The following SPINK5 variants were observed in gnomAD, a reference collection of about 807,000 sequenced individuals.
SPINK5 encodes serine protease inhibitor Kazal-type 5.
Under a neutral mutation model 151.8 loss-of-function variants are expected in SPINK5, and 125 were observed. The ratio of observed to expected loss-of-function variants is 0.82; its 90% confidence interval spans 0.71 to 0.96. SPINK5 has a LOEUF of 0.96. Among genes scored for constraint, SPINK5 ranks in the 40% least tolerant of loss-of-function variants. The pLI is 0.00. For synonymous variants in SPINK5, 374 were observed against 395.3 expected (o/e 0.95, Z 0.64); for missense variants, 1,194 against 1,291.9 (o/e 0.92, Z 1.16).
chr5:148,127,090 C>G lies in SPINK5; in HGVS notation c.2964+11C>G, dbSNP rs1007355097. On this transcript the variant is annotated intron_variant, in intron 30 of 32. Transcript: ENST00000256084. ...TCTTTCAGTTCTCTGGTAAGGAGGACTATTTCTGAAAAGCTACTTATCAAT... is the reference window on the plus strand; with the variant it reads ...TCTTTCAGTTCTCTGGTAAGGAGGAGTATTTCTGAAAAGCTACTTATCAAT... The G allele has an allele frequency of 6.2e-7, 1 of 1,603,452 alleles. No homozygotes were observed. Among genetic ancestry groups the G allele is most frequent in the African/African-American group, 1.3e-5 (1 of 74,658 alleles).
In SPINK5 at chr5:148,108,738, C is replaced by A. The variant is rs775012724; in HGVS notation, c.1608-15C>A. On this transcript the variant is annotated splice_polypyrimidine_tract_variant and intron_variant, in intron 17 of 32. Transcript: ENST00000256084. ...GGGAATCATATTCAGCCTATATCTT[C>A]TTTTTCTATTACAGCAAACTTGAAG... The A allele has an allele frequency of 5.0e-6, 8 of 1,609,242 alleles. No homozygotes were observed. In the East Asian group the frequency reaches 1.8e-4, roughly 36 times the overall value.
At chr5:148,132,970 C>A (rs899796972) in intron 31 of SPINK5, among the ~76,000 whole-genome samples, 6 of 152,114 alleles carry the variant, frequency 3.9e-5, no homozygotes, top group Non-Finnish European at 5.9e-5. Flanking sequence ...CCTTTAATTC[C>A]TCTTTCTTAT....
chr5:148,088,701 A>G (rs1055744144), intron 6 of SPINK5, 96 bp downstream of exon 6: 42 of 1,247,810 alleles, frequency 3.4e-5, no homozygotes, highest in Non-Finnish European at 4.2e-5. Flanking sequence ...GGAGCCTTGG[A>G]AGGAATTAAT....
Position 148,108,948 on chromosome 5 carries a change from G to A in SPINK5, c.1692+111G>A, listed in dbSNP as rs1439975634. 1.9e-6 allele frequency: 3 copies of A among 1,555,922 alleles called. No homozygotes were observed. In the African/African-American group the frequency reaches 4.1e-5, roughly 21 times the overall value. On this transcript the variant is annotated intron_variant, in intron 18 of 32. Coordinates refer to ENST00000256084, the MANE Select transcript of SPINK5 (RefSeq NM_006846.4). ...AGTATTCTTAGTTTCTTTGCAAACT[G>A]GGAAAATGTGTTTGGATCCCCATAT...
chr5:148,118,964 T>A lies in SPINK5; in HGVS notation c.2241-22T>A, dbSNP rs551676957. The A allele has an allele frequency of 4.7e-5, 75 of 1,612,274 alleles. No individual in the cohort carries two copies. The Admixed American group carries it at 5.8e-4, about 13-fold the overall frequency. ...GGTCAATATTTGTTAACAAGATGAATATTCACTTTTTTCTCCTCCAGGGAA... is the reference window on the plus strand; with the variant it reads ...GGTCAATATTTGTTAACAAGATGAAAATTCACTTTTTTCTCCTCCAGGGAA... On this transcript the variant is annotated intron_variant, in intron 23 of 32. Coordinates refer to ENST00000256084, the MANE Select transcript of SPINK5 (RefSeq NM_006846.4).
At position 148,123,416 on chromosome 5, in the gene SPINK5, A is replaced by ATATATAGATAGATATTATCTATCTATC. The variant is rs1412192208; in HGVS notation, c.2539-411_2539-410insGATAGATATTATCTATCTATCTATATA. 1.4e-4 allele frequency among the ~76,000 whole-genome samples: 4 copies of ATATATAGATAGATATTATCTATCTATC among 29,350 alleles called. No individual in the cohort carries two copies. The East Asian group carries it at 2.1e-3, about 16-fold the overall frequency. 19.3% of individuals were successfully genotyped at this position (29,350 alleles called of 152,430 possible). On this transcript the variant is annotated intron_variant, in intron 26 of 32. Coordinates refer to ENST00000256084, the MANE Select transcript of SPINK5 (RefSeq NM_006846.4). ...TATATATAGATAGATATAATATATT[A>ATATATAGATAGATATTATCTATCTATC]TATATATAGATATATATTATCTATC...
intron 31 of SPINK5, among the ~76,000 whole-genome samples, chr5:148,132,356 T>C (rs1248344362): frequency 1.3e-5 from 2 of 152,114 alleles, no homozygotes; most frequent in African/African-American, 4.8e-5. Flanking sequence ...AGGATAGGAC[T>C]CCCTGATATC....
intron 32 of SPINK5, among the ~76,000 whole-genome samples, chr5:148,134,845 G>A (rs1581116743): frequency 6.6e-6 from 1 of 151,706 alleles, no homozygotes; most frequent in African/African-American, 2.4e-5. Flanking sequence ...CCATTCCACT[G>A]CCACAAAAAG....
At chr5:148,070,192 A>C in intron 2 of SPINK5, 131 bp from the exon 3 acceptor site, 1 of 1,040,596 alleles carries the variant, frequency 9.6e-7, no homozygotes, top group Non-Finnish European at 1.4e-6. Flanking sequence ...TTACATACTT[A>C]ATCTTCAAAA....
Position 148,137,103 on chromosome 5 carries a change from GA to G in SPINK5, c.*116del. 1 of 1,414,922 alleles carries G rather than the reference GA, an allele frequency of 7.1e-7. No homozygotes were observed. The highest frequency in any genetic ancestry group is 1.7e-5 in the Admixed American group (1 of 59,396). The allele number at this position is 1,414,922 out of a possible 1,614,324, so 87.6% of individuals were successfully genotyped here. A position where few individuals can be genotyped will look rare whatever the true frequency, so the allele number is the denominator to read the frequency against. On this transcript the variant is annotated 3_prime_UTR_variant, in exon 33 of 33. Coordinates refer to ENST00000256084, the MANE Select transcript of SPINK5 (RefSeq NM_006846.4). ...TTCGGAGCTTGTCTTATTTGCTATAGAAAACAATACAGAGCTTTTGGGAATG... is the reference window on the plus strand; with the variant it reads ...TTCGGAGCTTGTCTTATTTGCTATAGAAACAATACAGAGCTTTTGGGAATG...
rs987612777 is a variant in SPINK5 at position 148,118,434 on chromosome 5, C to G, written c.2113-3C>G. On this transcript the variant is annotated splice_polypyrimidine_tract_variant and splice_region_variant and intron_variant, in intron 22 of 32. Coordinates refer to ENST00000256084, the MANE Select transcript of SPINK5 (RefSeq NM_006846.4). ...GGGGCTCTTCGTTCTTCTCTGTTTT[C>G]AGGACGAATGTGCTGAGTATCGGGA... The G allele has an allele frequency of 6.2e-7, 1 of 1,614,032 alleles. No homozygotes were observed. Among genetic ancestry groups the G allele is most frequent in the African/African-American group, 1.3e-5 (1 of 75,032 alleles).
chr5:148,123,598 G>A lies in SPINK5; in HGVS notation c.2539-235G>A, dbSNP rs554103054. ...TATATAGTTTTTAAAGGAATGGGCTGCTTTAGTGAAATTCCATTAGGGCAA... is the reference window on the plus strand; with the variant it reads ...TATATAGTTTTTAAAGGAATGGGCTACTTTAGTGAAATTCCATTAGGGCAA... On this transcript the variant is annotated intron_variant, in intron 26 of 32. Coordinates refer to ENST00000256084, the MANE Select transcript of SPINK5 (RefSeq NM_006846.4). 5.4e-5 allele frequency among the ~76,000 whole-genome samples: 8 copies of A among 148,354 alleles called. No homozygotes were observed. The East Asian group carries it at 1.6e-3, about 30-fold the overall frequency.
At chr5:148,121,228 T>C (rs1020823720) in intron 26 of SPINK5, among the ~76,000 whole-genome samples, 1 of 151,520 alleles carries the variant, frequency 6.6e-6, no homozygotes, top group Non-Finnish European at 1.5e-5. Flanking sequence ...TGGCATTTCA[T>C]TGCCACCTAG....
At chr5:148,122,774 T>G (rs1754303581) in intron 26 of SPINK5, among the ~76,000 whole-genome samples, 1 of 151,970 alleles carries the variant, frequency 6.6e-6, no homozygotes, top group Non-Finnish European at 1.5e-5. Flanking sequence ...TTCTCATCTG[T>G]AGAATGGGGA....
At chr5:148,076,494 T>C (rs930198220) in intron 4 of SPINK5, among the ~76,000 whole-genome samples, 5 of 151,788 alleles carry the variant, frequency 3.3e-5, no homozygotes, top group African/African-American at 1.2e-4. Context: ...ATGTTCAGTT[T>C]TTATAATCCA....
intron 18 of SPINK5, among the ~76,000 whole-genome samples, chr5:148,110,729 G>A (rs529895019): frequency 6.6e-6 from 1 of 152,044 alleles, no homozygotes; most frequent in African/African-American, 2.4e-5. Flanking sequence ...ACCGGGGCCT[G>A]TTTGGGGACT....
intron 20 of SPINK5, 97 bp downstream of exon 20, chr5:148,113,031 G>A (rs1373897917): frequency 2.3e-5 from 35 of 1,550,766 alleles, no homozygotes; most frequent in Middle Eastern, 3.4e-4. Context: ...CAGTTGTGAG[G>A]GAACTAGGGG....
chr5:148,114,037 A>T lies in SPINK5; in HGVS notation c.1888-325A>T, dbSNP rs3815738. ...TTGCCATTTGTAATTAACTCTTTGA[A>T]CTTCAGTGATTGCTTATTCTGTCTC... On this transcript the variant is annotated intron_variant, in intron 20 of 32. Transcript: ENST00000256084. 0.11 allele frequency among the ~76,000 whole-genome samples: 16,281 copies of T among 152,204 alleles called. 1,123 individuals are homozygous for T. The highest frequency in any genetic ancestry group is 0.32 in the East Asian group (1,657 of 5,156).
rs1321355787 is a variant in SPINK5 at position 148,066,486 on chromosome 5, G to T, written c.81+1114G>T. On this transcript the variant is annotated intron_variant, in intron 2 of 32. Transcript: ENST00000256084. ...TTACGTTGAAACTCTGAGAACCATGGTTAAAATACTCTCTTGCCGTATTTT... is the reference window on the plus strand; with the variant it reads ...TTACGTTGAAACTCTGAGAACCATGTTTAAAATACTCTCTTGCCGTATTTT... Among the ~76,000 whole-genome samples, 5 of 152,152 alleles carry T rather than the reference G, an allele frequency of 3.3e-5. No individual in the cohort carries two copies. In the East Asian group the frequency reaches 9.7e-4, roughly 29 times the overall value.
Sources: gnomAD v4.1 joint callset for allele counts (sites outside exome capture counted in the v4.1 genomes callset) on GRCh38, gnomAD v4.1.1 for gene constraint, MANE v1.5 for transcripts, NCBI Gene and HGNC (gene_info 2026-07-23, HGNC 2026-07-21) for gene names.